FAM219B: variants seen among roughly 807,000 people sequenced by gnomAD.
The protein encoded by FAM219B is family with sequence similarity 219 member B.
In FAM219B, 18 loss-of-function variants were observed where a neutral mutation model predicts 19.9. The ratio of observed to expected loss-of-function variants is 0.91; its 90% CI spans 0.63 to 1.34. The LOEUF (loss-of-function observed/expected upper bound fraction) is 1.34. Ranked by LOEUF, FAM219B falls within the 40% of genes most tolerant of loss-of-function variation. The pLI is 0.00. For synonymous variants in FAM219B, 123 were observed against 117.5 expected (o/e 1.05, Z -0.30); for missense variants, 283 against 270.5 (o/e 1.05, Z -0.32).
rs374707319 is a variant in FAM219B, at chr15:74,906,757, G to A, written c.44C>T (p.Thr15Ile). The A allele has an allele frequency of 8.4e-6, 11 of 1,313,110 alleles. No homozygotes were observed. In the African/African-American group the frequency reaches 9.2e-5, roughly 11 times the overall value. 81.3% of individuals were successfully genotyped at this position (1,313,110 alleles called of 1,614,324 possible). A position where few individuals can be genotyped will look rare whatever the true frequency, so the allele number is the denominator to read the frequency against. Residue 15 changes from threonine (T) to isoleucine (I), a missense_variant, in exon 1 of 5, where the codon ACC becomes ATC. Thr to Ile is a moderately conservative substitution (Grantham distance 89). Coordinates refer to ENST00000357635, the MANE Select transcript of FAM219B (RefSeq NM_020447.5). ...EPSGRALRLS[T>I]PGPRPSGARD... ...AGCCCCGCTGGGCCGGGGTCCCGGGGTAGACAACCGCAACGCGCGCCCGCT... is the reference window on the plus strand; with the variant it reads ...AGCCCCGCTGGGCCGGGGTCCCGGGATAGACAACCGCAACGCGCGCCCGCT...
chr15:74,903,049 A>T (rs779170606), intron 4 of FAM219B, among the ~76,000 whole-genome samples: 1 of 152,168 alleles, frequency 6.6e-6, no homozygotes, highest in Non-Finnish European at 1.5e-5. Flanking sequence ...CATTCATGTA[A>T]ATATCGAGTT....
rs1345009312 is a variant in FAM219B at position 74,906,796 on chromosome 15, G to A, written c.5C>T (p.Ala2Val). The part of the protein sequence containing the change: M[A>V]TAEPSGRALR... ...CGCGCGCCCGCTGGGCTCCGCGGTC[G>A]CCATGGCCGGGCCCCGCCCTGCCGG... The change falls in exon 1 of 5, where the codon GCG becomes GTG. Residue 2 changes from alanine (A) to valine (V), a missense_variant. Transcript: ENST00000357635. 3.9e-6 allele frequency: 5 copies of A among 1,282,270 alleles called. No individual in the cohort carries two copies. The South Asian group carries it at 1.1e-4, about 29-fold the overall frequency. The allele number at this position is 1,282,270 out of a possible 1,614,324, so 79.4% of individuals were successfully genotyped here.
At chr15:74,904,797 T>C in intron 3 of FAM219B, 85 bp from the exon 4 acceptor site, 1 of 1,570,536 alleles carries the variant, frequency 6.4e-7, no homozygotes. Flanking sequence ...TGCAAGGGCA[T>C]CTGGAAGACT....
chr15:74,898,100 A>G, downstream of FAM219B: 1 of 371,860 alleles, frequency 2.7e-6, no homozygotes, highest in South Asian at 2.2e-5. Context: ...AATTTCTAAG[A>G]ACAGGGTTCT....
chr15:74,903,246 C>G lies in FAM219B; in HGVS notation c.430-460G>C, dbSNP rs1408622568. 2.6e-5 allele frequency among the ~76,000 whole-genome samples: 4 copies of G among 152,052 alleles called. No homozygotes were observed. In the East Asian group the frequency reaches 7.7e-4, roughly 29 times the overall value. On this transcript the variant is annotated intron_variant, in intron 4 of 4. Transcript: ENST00000357635. Reference sequence around the variant, plus strand: ...GCTGGTTAGACTTATCCTTTGATGCCAACAGAGGTGGGTTCCTGCAAAGTG... The same window carrying G: ...GCTGGTTAGACTTATCCTTTGATGCGAACAGAGGTGGGTTCCTGCAAAGTG...
At position 74,902,881 on chromosome 15, in the gene FAM219B, C is replaced by T; in HGVS notation, c.430-95G>A. 4.2e-6 allele frequency: 6 copies of T among 1,426,956 alleles called. No homozygotes were observed. The South Asian group carries it at 6.9e-5, about 16-fold the overall frequency. 88.4% of individuals were successfully genotyped at this position (1,426,956 alleles called of 1,614,324 possible). ...AACCACATTCCGTTACCAGGGCTTC[C>T]TGTCCATGTCCCACCCCAGGCCAAC... is the stretch of plus-strand genomic sequence containing the variant. On this transcript the variant is annotated intron_variant, in intron 4 of 4. Coordinates refer to ENST00000357635, the MANE Select transcript of FAM219B (RefSeq NM_020447.5).
rs1451168578 is a variant in FAM219B, at chr15:74,906,843, CG to C, written c.-44del. 8.1e-7 allele frequency: 1 copy of C among 1,236,088 alleles called. No individual in the cohort carries two copies. The highest frequency in any genetic ancestry group is 3.9e-5 in the South Asian group (1 of 25,590). The allele number at this position is 1,236,088 out of a possible 1,614,324, so 76.6% of individuals were successfully genotyped here. A position where few individuals can be genotyped will look rare whatever the true frequency, so the allele number is the denominator to read the frequency against. On this transcript the variant is annotated 5_prime_UTR_variant, in exon 1 of 5. Transcript: ENST00000357635. Reference sequence around the variant, plus strand: ...CCGGATGGTGCAACCCCGCCCGTGGCGAAAGAGTGACCGGCCGAGGGAGAGG... The same window carrying C: ...CCGGATGGTGCAACCCCGCCCGTGGCAAAGAGTGACCGGCCGAGGGAGAGG...
chr15:74,899,304 G>T (rs1029984897), downstream of FAM219B: 1 of 152,218 alleles, frequency 6.6e-6, no homozygotes, highest in African/African-American at 2.4e-5. Context: ...TCATGCAAAA[G>T]AATCTTTCTG....
chr15:74,906,660 C>T lies in FAM219B; in HGVS notation c.141G>A (p.Glu47=), dbSNP rs1484067010. ...GCTTTTCCACGGCCGCGGGGGTGCGCTCCCCCAGACGGAGGGCTCTATTAC... is the reference window on the plus strand; with the variant it reads ...GCTTTTCCACGGCCGCGGGGGTGCGTTCCCCCAGACGGAGGGCTCTATTAC... The part of the protein sequence containing the change: ...QIGNRALRLG[E]RTPAAVEKRG... The change falls in exon 1 of 5, where the codon GAG becomes GAA. Residue 47 remains glutamate, a synonymous_variant. Transcript: ENST00000357635. 4.0e-6 allele frequency: 6 copies of T among 1,507,674 alleles called. No homozygotes were observed. The highest frequency in any genetic ancestry group is 1.4e-5 in the South Asian group (1 of 73,626). 93.4% of individuals were successfully genotyped at this position (1,507,674 alleles called of 1,614,324 possible). A position where few individuals can be genotyped will look rare whatever the true frequency, so the allele number is the denominator to read the frequency against.
chr15:74,903,788 T>C (rs2065074592), intron 4 of FAM219B, among the ~76,000 whole-genome samples: 1 of 152,022 alleles, frequency 6.6e-6, no homozygotes, highest in South Asian at 2.1e-4. Context: ...GAAAAGCAAG[T>C]GGTGTAGAGT....
chr15:74,904,524 G>T (rs1051996639), intron 4 of FAM219B, 140 bp downstream of exon 4: 2 of 1,009,216 alleles, frequency 2.0e-6, no homozygotes, highest in African/African-American at 1.6e-5. Context: ...ACCGGGGGAA[G>T]AGGGCAGAGT....
At chr15:74,906,419 C>G in intron 1 of FAM219B, 54 bp from the exon 2 acceptor site, 3 of 1,567,188 alleles carry the variant, frequency 1.9e-6, no homozygotes, top group Non-Finnish European at 2.6e-6. Context: ...GCCGCGTCTC[C>G]CGAAGGCTGG....
chr15:74,898,775 G>C (rs1315694222), downstream of FAM219B: 1 of 152,232 alleles, frequency 6.6e-6, no homozygotes, highest in African/African-American at 2.4e-5. Flanking sequence ...TTCTGACCTC[G>C]TGATCCGCCC....
chr15:74,898,594 G>A (rs1595826007), downstream of FAM219B: 1 of 151,830 alleles, frequency 6.6e-6, no homozygotes, highest in South Asian at 2.1e-4. Flanking sequence ...CTGGAGTGCA[G>A]TGGCACGATC....
chr15:74,903,338 C>A (rs1183076325), intron 4 of FAM219B, among the ~76,000 whole-genome samples: 1 of 152,004 alleles, frequency 6.6e-6, no homozygotes, highest in Non-Finnish European at 1.5e-5. Context: ...TGGTGGCTCA[C>A]GCCTGTAATC....
At position 74,900,618 on chromosome 15, in the gene FAM219B, C is replaced by T. The variant is rs1269381456; in HGVS notation, c.*2001G>A. The T allele has an allele frequency of 6.6e-6, 1 of 152,264 alleles. No individual in the cohort carries two copies. The highest frequency in any genetic ancestry group is 1.5e-5 in the Non-Finnish European group (1 of 68,070). The allele number at this position is 152,264 out of a possible 1,614,324, so 9.4% of individuals were successfully genotyped here. On this transcript the variant is annotated 3_prime_UTR_variant, in exon 5 of 5. Coordinates refer to ENST00000357635, the MANE Select transcript of FAM219B (RefSeq NM_020447.5). ...TTCACCTCTGCAGACACAAGAAAGG[C>T]CTGGACATGGTCTCTGCAGATGGGG...
At position 74,900,401 on chromosome 15, in the gene FAM219B, T is replaced by G. The variant is rs1231416708; in HGVS notation, c.*2218A>C. 1 of 152,264 alleles carries G rather than the reference T, an allele frequency of 6.6e-6. No individual in the cohort carries two copies. Among genetic ancestry groups the G allele is most frequent in the Non-Finnish European group, 1.5e-5 (1 of 68,108 alleles). The allele number at this position is 152,264 out of a possible 1,614,324, so 9.4% of individuals were successfully genotyped here. ...AACAACGATGCAGAGGGCCTTGGTT[T>G]TGGGGTCCTGCCACCCTCACCCCTA... On this transcript the variant is annotated 3_prime_UTR_variant, in exon 5 of 5. Coordinates refer to ENST00000357635, the MANE Select transcript of FAM219B (RefSeq NM_020447.5).
chr15:74,903,929 C>G (rs1269017994), intron 4 of FAM219B, among the ~76,000 whole-genome samples: 1 of 152,122 alleles, frequency 6.6e-6, no homozygotes, highest in Non-Finnish European at 1.5e-5. Flanking sequence ...GTGTTTTAGC[C>G]TGAGTTTTCA....
At chr15:74,899,688 G>A (rs553986550), downstream of FAM219B, 5 of 152,322 alleles carry the variant, frequency 3.3e-5, no homozygotes, top group South Asian at 2.1e-4. Context: ...GTGCAGTGGC[G>A]CGATAGCTCA....
Sources: gnomAD v4.1 joint callset for allele counts (sites outside exome capture counted in the v4.1 genomes callset) on GRCh38, gnomAD v4.1.1 for gene constraint, MANE v1.5 for transcripts, NCBI Gene and HGNC (gene_info 2026-07-23, HGNC 2026-07-21) for gene names.